C12orf42: variants seen among roughly 807,000 people sequenced by gnomAD.
The protein encoded by C12orf42 is chromosome 12 open reading frame 42, also known as uncharacterized protein C12orf42.
In C12orf42, 25 loss-of-function variants were observed where a neutral mutation model predicts 21.6. The ratio of observed to expected loss-of-function variants is 1.16; its 90% CI spans 0.84 to 1.62. The LOEUF (loss-of-function observed/expected upper bound fraction) is 1.62. Among genes scored for constraint, C12orf42 ranks in the 40% most tolerant of loss-of-function variants. The pLI, the probability that C12orf42 is intolerant of heterozygous loss-of-function variation, is 0.00. For missense variants in C12orf42, 483 were observed against 459.3 expected, an observed-to-expected ratio of 1.05 and a Z score of -0.47; for synonymous variants, 174 against 175.0, an observed-to-expected ratio of 0.99 and a Z score of 0.05.
At chr12:103,256,467 G>C (rs1377890938) in intron 10 of C12orf42, among the ~76,000 whole-genome samples, 2 of 150,632 alleles carry the variant, frequency 1.3e-5, no homozygotes, top group Non-Finnish European at 1.5e-5. Flanking sequence ...TGGCATCTGT[G>C]AAGGAGAAAG....
At chr12:103,266,469 A>G (rs1267225406), downstream of C12orf42, among the ~76,000 whole-genome samples, 15 of 152,154 alleles carry the variant, frequency 9.9e-5, no homozygotes, top group Non-Finnish European at 1.8e-4. Context: ...CTTTTTCTCT[A>G]CAGTTAAAGT....
At chr12:103,132,958 T>A in the C12orf42 span, among the ~76,000 whole-genome samples, 1 of 152,180 alleles carries the variant, frequency 6.6e-6, no homozygotes, top group Non-Finnish European at 1.5e-5. Context: ...GAGGCTCACC[T>A]TCCCCTGCCT....
the C12orf42 span, among the ~76,000 whole-genome samples, chr12:103,101,371 T>A: frequency 6.6e-6 from 1 of 152,256 alleles, no homozygotes; most frequent in African/African-American, 2.4e-5. Context: ...AAAAGTTGAT[T>A]ATTCTCATAG....
chr12:103,519,311 C>A, the C12orf42 span, among the ~76,000 whole-genome samples: 1 of 151,962 alleles, frequency 6.6e-6, no homozygotes, highest in Non-Finnish European at 1.5e-5. Flanking sequence ...ATATATTAGT[C>A]ATGTGTTGAG....
the C12orf42 span, chr12:103,151,750 A>G: frequency 6.6e-6 from 1 of 152,228 alleles, no homozygotes; most frequent in Non-Finnish European, 1.5e-5. Context: ...ATTAGTTAAT[A>G]AAGAATATTA....
At chr12:103,545,218 A>T in the C12orf42 span, among the ~76,000 whole-genome samples, 6 of 152,220 alleles carry the variant, frequency 3.9e-5, no homozygotes, top group Admixed American at 1.3e-4. Flanking sequence ...CAGAAATAGA[A>T]AACAGGTTTG....
chr12:103,082,951 T>C, the C12orf42 span, among the ~76,000 whole-genome samples: 1 of 152,240 alleles, frequency 6.6e-6, no homozygotes, highest in Non-Finnish European at 1.5e-5. Flanking sequence ...GGCAGTGGCA[T>C]ACATCTTTAG....
intron 10 of C12orf42, among the ~76,000 whole-genome samples, chr12:103,246,038 T>G (rs1359565871): frequency 2.0e-5 from 3 of 152,100 alleles, no homozygotes; most frequent in African/African-American, 7.2e-5. Context: ...TGGGCAAAGT[T>G]CATTTAATTT....
At chr12:103,139,690 A>G in the C12orf42 span, among the ~76,000 whole-genome samples, 1 of 152,194 alleles carries the variant, frequency 6.6e-6, no homozygotes, top group Admixed American at 6.5e-5. Flanking sequence ...AGAACGCTGG[A>G]GATGGCACTG....
the C12orf42 span, among the ~76,000 whole-genome samples, chr12:103,195,380 G>A: frequency 1.2e-4 from 19 of 152,104 alleles, no homozygotes; most frequent in African/African-American, 3.4e-4. Context: ...ACTGCTTTCC[G>A]GAGTGGCTGA....
At chr12:103,066,067 G>A in the C12orf42 span, among the ~76,000 whole-genome samples, 8 of 152,134 alleles carry the variant, frequency 5.3e-5, no homozygotes, top group Admixed American at 1.3e-4. Flanking sequence ...GAATCACAGC[G>A]GAGGCCTCTA....
At chr12:103,478,719 G>C (rs1363933398) in intron 1 of C12orf42, among the ~76,000 whole-genome samples, 3 of 150,506 alleles carry the variant, frequency 2.0e-5, no homozygotes, top group Non-Finnish European at 2.9e-5. Flanking sequence ...TAAAGTTCTT[G>C]ATCATCTATT....
chr12:103,057,035 A>C, the C12orf42 span, among the ~76,000 whole-genome samples: 1 of 152,134 alleles, frequency 6.6e-6, no homozygotes, highest in Non-Finnish European at 1.5e-5. Flanking sequence ...TGAGGTCCTC[A>C]TGGTTGGTGG....
chr12:103,301,148 T>C (rs921989056), downstream of C12orf42, among the ~76,000 whole-genome samples: 1 of 152,202 alleles, frequency 6.6e-6, no homozygotes, highest in Admixed American at 6.5e-5. Context: ...CTGTCTTAAA[T>C]GTAATCATAC....
chr12:103,111,001 G>GT, the C12orf42 span, among the ~76,000 whole-genome samples: 2 of 152,304 alleles, frequency 1.3e-5, no homozygotes, highest in East Asian at 3.9e-4. Context: ...GCACTAGGCA[G>GT]TTCTTGGTTT....
chr12:103,456,109 C>T (rs1444940313), intron 2 of C12orf42: 1 of 152,120 alleles, frequency 6.6e-6, no homozygotes, highest in Admixed American at 6.6e-5. Context: ...AAATACCCCA[C>T]ATCTCACTGC....
intron 4 of C12orf42, among the ~76,000 whole-genome samples, chr12:103,284,979 C>T (rs961815833): frequency 2.6e-5 from 4 of 152,158 alleles, no homozygotes; most frequent in African/African-American, 9.7e-5. Context: ...CTGGATTTCT[C>T]ACTGTTCCCT....
chr12:103,085,578 C>T, the C12orf42 span, among the ~76,000 whole-genome samples: 1 of 150,294 alleles, frequency 6.7e-6, no homozygotes, highest in Non-Finnish European at 1.5e-5. Flanking sequence ...CAATTAAGGT[C>T]GACCTCCTCC....
At chr12:103,367,754 T>C (rs1346038253) in intron 4 of C12orf42, among the ~76,000 whole-genome samples, 4 of 152,108 alleles carry the variant, frequency 2.6e-5, no homozygotes, top group African/African-American at 9.6e-5. Context: ...TTTTGAACCA[T>C]GTAAATGTAT....
Sources: gnomAD v4.1 joint callset for allele counts (sites outside exome capture counted in the v4.1 genomes callset) on GRCh38, gnomAD v4.1.1 for gene constraint, MANE v1.5 for transcripts, NCBI Gene and HGNC (gene_info 2026-07-23, HGNC 2026-07-21) for gene names.